Variants in NLK observed in about 807,000 individuals in gnomAD.
The protein encoded by NLK is serine/threonine-protein kinase NLK.
NLK carries 11 observed loss-of-function variants against 59.0 expected under a neutral mutation model. That is an observed-to-expected ratio of 0.19 (90% CI 0.12 to 0.31). The LOEUF (loss-of-function observed/expected upper bound fraction) is 0.31, where lower values mean the gene tolerates loss of function less well. Ranked by LOEUF, NLK falls within the 10% of genes least tolerant of loss-of-function variation. The probability of loss-of-function intolerance (pLI) is 1.00; values close to 1 mark genes in which losing one functional copy is unlikely to be tolerated. For synonymous variants in NLK, 235 were observed against 235.9 expected (o/e 1.00, Z 0.03); for missense variants, 410 against 661.1 (o/e 0.62, Z 4.16).
intron 3 of NLK, among the ~76,000 whole-genome samples, chr17:28,149,978 C>T (rs991398903): frequency 1.3e-5 from 2 of 152,092 alleles, no homozygotes; most frequent in African/African-American, 4.8e-5. Context: ...TTGCAGCATT[C>T]GAGTAATGGC....
chr17:28,127,860 A>T (rs1430241285), intron 2 of NLK, among the ~76,000 whole-genome samples: 1 of 152,188 alleles, frequency 6.6e-6, no homozygotes, highest in Non-Finnish European at 1.5e-5. Flanking sequence ...ATTGAGACTG[A>T]ATCCCAGGAG....
Position 28,144,247 on chromosome 17 carries a change from T to C in NLK, c.644+11572T>C, listed in dbSNP as rs34218914. Among the ~76,000 whole-genome samples the C allele has an allele frequency of 1.0e-3, 157 of 152,288 alleles. 1 individual carries two copies. The highest frequency in any genetic ancestry group is 3.7e-3 in the African/African-American group (153 of 41,564). On this transcript the variant is annotated intron_variant, in intron 3 of 10. Transcript: ENST00000407008. ...CTGTCTGCATAAAGATGATTTAGTG[T>C]GTAGCAAATCCTGAGATTGTTTTAA...
At chr17:28,050,620 G>T (rs1476010614) in intron 1 of NLK, among the ~76,000 whole-genome samples, 1 of 150,612 alleles carries the variant, frequency 6.6e-6, no homozygotes, top group African/African-American at 2.4e-5. Context: ...TTTTTTTTTT[G>T]GATATGTAAA....
chr17:28,155,928 G>C (rs1392693121), intron 3 of NLK, among the ~76,000 whole-genome samples: 6 of 152,038 alleles, frequency 3.9e-5, no homozygotes, highest in African/African-American at 1.4e-4. Flanking sequence ...AGTATTAAAA[G>C]AACAATGTAT....
intron 1 of NLK, among the ~76,000 whole-genome samples, chr17:28,058,321 T>G (rs999820591): frequency 1.3e-5 from 2 of 152,240 alleles, no homozygotes; most frequent in Non-Finnish European, 2.9e-5. Context: ...GGTCTAGTTA[T>G]CAACATCTAT....
At chr17:28,098,441 T>C (rs1281302951) in intron 1 of NLK, among the ~76,000 whole-genome samples, 1 of 152,122 alleles carries the variant, frequency 6.6e-6, no homozygotes, top group East Asian at 1.9e-4. Flanking sequence ...GTACTATAAC[T>C]CTTCCAAGTA....
At chr17:28,049,940 G>A (rs964238994) in intron 1 of NLK, among the ~76,000 whole-genome samples, 3 of 152,092 alleles carry the variant, frequency 2.0e-5, no homozygotes, top group Non-Finnish European at 2.9e-5. Context: ...AGATCGTGCC[G>A]TTTCACTCCA....
At chr17:28,045,513 GT>G (rs1030049096) in intron 1 of NLK, among the ~76,000 whole-genome samples, 1 of 151,932 alleles carries the variant, frequency 6.6e-6, no homozygotes, top group African/African-American at 2.4e-5. Context: ...TCGGGTCTTT[GT>G]TTTTTTAACC....
intron 3 of NLK, among the ~76,000 whole-genome samples, chr17:28,146,049 T>C (rs1181595762): frequency 6.6e-6 from 1 of 152,172 alleles, no homozygotes; most frequent in African/African-American, 2.4e-5. Flanking sequence ...TTGTTCCTTA[T>C]ATTCTTTTGC....
chr17:28,110,975 G>A (rs1434484597), intron 1 of NLK, among the ~76,000 whole-genome samples: 2 of 140,498 alleles, frequency 1.4e-5, no homozygotes, highest in East Asian at 2.2e-4. Flanking sequence ...CTCCCAAGTA[G>A]CTGGGACTAC....
intron 3 of NLK, among the ~76,000 whole-genome samples, chr17:28,146,990 C>T (rs530830138): frequency 6.6e-6 from 1 of 152,278 alleles, no homozygotes; most frequent in Admixed American, 6.5e-5. Context: ...CAGTAAATTT[C>T]AGCTGTTTTC....
At chr17:28,206,022 A>G in the NLK span, among the ~76,000 whole-genome samples, 2 of 152,220 alleles carry the variant, frequency 1.3e-5, no homozygotes, top group Non-Finnish European at 2.9e-5. Flanking sequence ...ATGTATATCA[A>G]GATATCATGT....
intron 3 of NLK, among the ~76,000 whole-genome samples, chr17:28,139,249 C>A (rs188734584): frequency 6.6e-6 from 1 of 151,994 alleles, no homozygotes; most frequent in African/African-American, 2.4e-5. Flanking sequence ...ACTCCATCTC[C>A]CCACCAAAAA....
chr17:28,070,754 A>C (rs114040001), intron 1 of NLK, among the ~76,000 whole-genome samples: 1,656 of 152,268 alleles, frequency 0.011, 32 homozygotes, highest in African/African-American at 0.038. Context: ...TTTTAAAGTA[A>C]AATACTAATT....
chr17:28,135,600 G>A (rs1042289531), intron 3 of NLK, among the ~76,000 whole-genome samples: 6 of 152,192 alleles, frequency 3.9e-5, no homozygotes, highest in East Asian at 1.9e-4. Flanking sequence ...GAAGACTTTC[G>A]GAATGTGCAG....
At chr17:28,192,908 T>C (rs35473163) in intron 10 of NLK, among the ~76,000 whole-genome samples, 1 of 152,176 alleles carries the variant, frequency 6.6e-6, no homozygotes, top group South Asian at 2.1e-4. Flanking sequence ...TTTTTGTGTG[T>C]AGGTGGACTG....
At chr17:28,192,695 A>G (rs1189563148) in intron 10 of NLK, among the ~76,000 whole-genome samples, 1 of 151,972 alleles carries the variant, frequency 6.6e-6, no homozygotes, top group Non-Finnish European at 1.5e-5. Context: ...AACTGTAAGC[A>G]TCACATTTTA....
At chr17:28,102,849 T>C (rs1269822962) in intron 1 of NLK, among the ~76,000 whole-genome samples, 1 of 152,154 alleles carries the variant, frequency 6.6e-6, no homozygotes, top group Admixed American at 6.5e-5. Flanking sequence ...AGAAGTTTAC[T>C]TCAGGGGGGC....
intron 1 of NLK, among the ~76,000 whole-genome samples, chr17:28,109,910 C>T (rs1467801699): frequency 1.3e-5 from 2 of 152,158 alleles, no homozygotes; most frequent in Admixed American, 6.5e-5. Context: ...AACTGTTTTC[C>T]AAGGTAGATG....
Sources: gnomAD v4.1 joint callset for allele counts (sites outside exome capture counted in the v4.1 genomes callset) on GRCh38, gnomAD v4.1.1 for gene constraint, MANE v1.5 for transcripts, NCBI Gene and HGNC (gene_info 2026-07-23, HGNC 2026-07-21) for gene names.